The following TMEM132C variants were observed in gnomAD, a reference collection of about 807,000 sequenced individuals.
The protein encoded by TMEM132C is transmembrane protein 132C.
In TMEM132C, 29 loss-of-function variants were observed where a neutral mutation model predicts 61.4. The observed-to-expected ratio is 0.47, with a 90% CI of 0.35 to 0.64. The LOEUF is 0.64. TMEM132C is among the 30% of genes least tolerant of loss of function. The pLI, the probability that TMEM132C is intolerant of heterozygous loss-of-function variation, is 0.00. For missense variants in TMEM132C, 1,408 were observed against 1,476.9 expected, an observed-to-expected ratio of 0.95 and a Z score of 0.76; for synonymous variants, 656 against 633.1, an observed-to-expected ratio of 1.04 and a Z score of -0.54.
chr12:128,425,253 C>T (rs184334243), intron 2 of TMEM132C, among the ~76,000 whole-genome samples: 17 of 152,370 alleles, frequency 1.1e-4, no homozygotes, highest in South Asian at 2.1e-4. Context: ...CTGCACACCG[C>T]GGCCAGCCTT....
At chr12:128,284,109 C>T (rs2135901787) in intron 1 of TMEM132C, among the ~76,000 whole-genome samples, 1 of 152,278 alleles carries the variant, frequency 6.6e-6, no homozygotes, top group East Asian at 1.9e-4. Flanking sequence ...GCACGTTGAC[C>T]AGAGAGGACC....
chr12:128,498,189 A>G (rs1285899484), intron 2 of TMEM132C, among the ~76,000 whole-genome samples: 1 of 151,868 alleles, frequency 6.6e-6, no homozygotes, highest in Non-Finnish European at 1.5e-5. Flanking sequence ...ATTGCCCACT[A>G]CTCTCCACAA....
intron 1 of TMEM132C, among the ~76,000 whole-genome samples, chr12:128,290,823 A>C (rs979483396): frequency 2.7e-5 from 4 of 149,790 alleles, no homozygotes; most frequent in Non-Finnish European, 4.4e-5. Context: ...AAATAGATTC[A>C]CTTTGCCTTC....
intron 1 of TMEM132C, among the ~76,000 whole-genome samples, chr12:128,269,392 A>G (rs1870434686): frequency 8.1e-6 from 1 of 123,008 alleles, no homozygotes; most frequent in South Asian, 2.6e-4. Context: ...AGAGGATTTT[A>G]CTTTTGATTA....
At chr12:128,692,387 G>T (rs1335521749) in intron 5 of TMEM132C, among the ~76,000 whole-genome samples, 2 of 152,296 alleles carry the variant, frequency 1.3e-5, no homozygotes, top group East Asian at 3.9e-4. Flanking sequence ...TGTACTTTTT[G>T]CCTTCAAAGA....
At chr12:128,365,290 T>C (rs1468912041) in intron 1 of TMEM132C, among the ~76,000 whole-genome samples, 2 of 152,204 alleles carry the variant, frequency 1.3e-5, no homozygotes, top group African/African-American at 4.8e-5. Flanking sequence ...TGTAAACCAA[T>C]GAAACACATA....
intron 3 of TMEM132C, among the ~76,000 whole-genome samples, chr12:128,581,768 T>C (rs553299940): frequency 8.5e-5 from 13 of 152,332 alleles, no homozygotes; most frequent in Non-Finnish European, 1.9e-4. Flanking sequence ...AACAAAGTTA[T>C]GAGGAAATGG....
At chr12:128,684,073 G>A (rs1277715934) in intron 5 of TMEM132C, among the ~76,000 whole-genome samples, 4 of 151,940 alleles carry the variant, frequency 2.6e-5, no homozygotes, top group Admixed American at 1.3e-4. Context: ...CGGCCTAAAC[G>A]TCACCTCACG....
intron 1 of TMEM132C, among the ~76,000 whole-genome samples, chr12:128,414,211 A>AC (rs758895390): frequency 6.6e-6 from 1 of 152,000 alleles, no homozygotes; most frequent in East Asian, 1.9e-4. Flanking sequence ...AAATAGTGAG[A>AC]CCCCATCTCT....
At chr12:128,498,291 G>A (rs1872037415) in intron 2 of TMEM132C, among the ~76,000 whole-genome samples, 1 of 151,988 alleles carries the variant, frequency 6.6e-6, no homozygotes, top group Non-Finnish European at 1.5e-5. Context: ...CAAAACATCA[G>A]GCAGGAAAAA....
At chr12:128,455,831 G>A (rs1870321790) in intron 2 of TMEM132C, among the ~76,000 whole-genome samples, 1 of 152,150 alleles carries the variant, frequency 6.6e-6, no homozygotes, top group Admixed American at 6.5e-5. Flanking sequence ...GGAGCCCGGG[G>A]GTAGATTGGC....
chr12:128,456,231 C>A (rs55697452), intron 2 of TMEM132C, among the ~76,000 whole-genome samples: 2,101 of 152,196 alleles, frequency 0.014, 24 homozygotes, highest in Middle Eastern at 0.02. Flanking sequence ...AAGACTAAAT[C>A]TGAGACCCGA....
intron 2 of TMEM132C, among the ~76,000 whole-genome samples, chr12:128,441,112 T>A (rs1869769458): frequency 6.6e-6 from 1 of 152,204 alleles, no homozygotes; most frequent in Non-Finnish European, 1.5e-5. Flanking sequence ...TTGCTAACAC[T>A]GTTCTAAAAA....
intron 2 of TMEM132C, among the ~76,000 whole-genome samples, chr12:128,497,108 G>T (rs1279398545): frequency 2.0e-5 from 3 of 152,208 alleles, no homozygotes; most frequent in Admixed American, 6.5e-5. Context: ...TCCAGACCCT[G>T]TTTGCCTGGG....
intron 2 of TMEM132C, among the ~76,000 whole-genome samples, chr12:128,495,957 G>T (rs1871939287): frequency 6.6e-6 from 1 of 152,164 alleles, no homozygotes; most frequent in Admixed American, 6.5e-5. Context: ...GCATGTTTTT[G>T]CAGTGGCTAG....
At chr12:128,447,052 G>A (rs906996652) in intron 2 of TMEM132C, among the ~76,000 whole-genome samples, 1 of 152,196 alleles carries the variant, frequency 6.6e-6, no homozygotes, top group African/African-American at 2.4e-5. Flanking sequence ...AGCATACTGG[G>A]CAGTGCATGG....
At chr12:128,581,952 T>C (rs568934311) in intron 3 of TMEM132C, among the ~76,000 whole-genome samples, 33 of 152,288 alleles carry the variant, frequency 2.2e-4, no homozygotes, top group Non-Finnish European at 3.4e-4. Flanking sequence ...GCTCCGCGAA[T>C]CCTTCCTACA....
At position 128,644,064 on chromosome 12, in the gene TMEM132C, G is replaced by A. The variant is rs139942998; in HGVS notation, c.1306-25353G>A. Among the ~76,000 whole-genome samples the A allele has an allele frequency of 3.7e-3, 565 of 152,304 alleles. 2 individuals are homozygous for A. The highest frequency in any genetic ancestry group is 0.013 in the African/African-American group (533 of 41,562). On this transcript the variant is annotated intron_variant, in intron 4 of 8. Transcript: ENST00000435159. ...GCCACAATGAAATATCGCCTCCCAT[G>A]CACGACAAAAGCTAAGATGGAAACA...
intron 2 of TMEM132C, among the ~76,000 whole-genome samples, chr12:128,503,211 C>T (rs974030665): frequency 6.6e-5 from 10 of 152,228 alleles, no homozygotes; most frequent in African/African-American, 2.4e-4. Context: ...CAGAGTCTGT[C>T]ACATCTGGAG....
Sources: gnomAD v4.1 joint callset for allele counts (sites outside exome capture counted in the v4.1 genomes callset) on GRCh38, gnomAD v4.1.1 for gene constraint, MANE v1.5 for transcripts, NCBI Gene and HGNC (gene_info 2026-07-23, HGNC 2026-07-21) for gene names.